CDH13: variants seen among roughly 807,000 people sequenced by gnomAD.
The protein encoded by CDH13 is cadherin-13.
Under a neutral mutation model 63.8 loss-of-function variants are expected in CDH13, and 24 were observed. That is an observed-to-expected ratio of 0.38 (90% CI 0.27 to 0.53). CDH13 has a LOEUF of 0.53. Ranked by LOEUF, CDH13 falls within the 20% of genes least tolerant of loss-of-function variation. The pLI is 0.85. For missense variants in CDH13, 1,049 were observed against 903.1 expected (o/e 1.16, Z -2.07); for synonymous variants, 503 against 355.3 (o/e 1.42, Z -4.67).
intron 1 of CDH13, among the ~76,000 whole-genome samples, chr16:82,703,168 A>C (rs186090005): frequency 1.4e-3 from 206 of 152,072 alleles, no homozygotes; most frequent in African/African-American, 4.9e-3. Context: ...ATATGTATTT[A>C]TGCACACATA....
chr16:83,123,520 C>T (rs1467980769), intron 3 of CDH13, among the ~76,000 whole-genome samples: 1 of 152,088 alleles, frequency 6.6e-6, no homozygotes, highest in African/African-American at 2.4e-5. Context: ...CTCAGGTTAT[C>T]CACCCTCCTC....
intron 1 of CDH13, among the ~76,000 whole-genome samples, chr16:82,685,197 G>A (rs796264386): frequency 4.6e-5 from 7 of 152,296 alleles, no homozygotes; most frequent in African/African-American, 1.7e-4. Flanking sequence ...CCATAGACTA[G>A]GTGGCTTAAA....
At chr16:83,050,940 T>C (rs778552268) in intron 3 of CDH13, among the ~76,000 whole-genome samples, 3 of 152,306 alleles carry the variant, frequency 2.0e-5, no homozygotes, top group South Asian at 4.1e-4. Context: ...GTACTTCTTA[T>C]CCTTTCTCTC....
At chr16:82,737,452 A>T (rs2033729182) in intron 1 of CDH13, among the ~76,000 whole-genome samples, 1 of 152,206 alleles carries the variant, frequency 6.6e-6, no homozygotes, top group African/African-American at 2.4e-5. Context: ...TGAACAAAAG[A>T]AATATAATCC....
chr16:83,712,096 T>C (rs1023357230), intron 10 of CDH13, among the ~76,000 whole-genome samples: 14 of 152,306 alleles, frequency 9.2e-5, no homozygotes, highest in African/African-American at 3.1e-4. Flanking sequence ...CATATCTGAC[T>C]AGGGCCCACT....
chr16:83,021,773 G>A (rs1426836795), intron 2 of CDH13, among the ~76,000 whole-genome samples: 2 of 152,186 alleles, frequency 1.3e-5, no homozygotes, highest in African/African-American at 2.4e-5. Context: ...ACCAGTCATG[G>A]CTAGAATACT....
chr16:83,343,945 T>C (rs1027069670), intron 5 of CDH13, among the ~76,000 whole-genome samples: 1 of 152,216 alleles, frequency 6.6e-6, no homozygotes, highest in Non-Finnish European at 1.5e-5. Context: ...TTCCTAATAA[T>C]GAGTGTTTTT....
rs560466836 is a variant in CDH13 at position 82,952,177 on chromosome 16, T to A, written c.158-79833T>A. ...CAGGATTCACTTTGAAGAACTGGTC[T>A]CTTGTTAACAGGAGAACGTGGGTGC... On this transcript the variant is annotated intron_variant, in intron 2 of 13. Transcript: ENST00000567109. Among the ~76,000 whole-genome samples, 574 of 152,342 alleles carry A rather than the reference T, an allele frequency of 3.8e-3. 3 individuals are homozygous for A. The highest frequency in any genetic ancestry group is 6.6e-3 in the South Asian group (32 of 4,822).
chr16:83,746,866 A>T (rs750125679), intron 10 of CDH13, among the ~76,000 whole-genome samples: 2 of 152,198 alleles, frequency 1.3e-5, no homozygotes, highest in Non-Finnish European at 2.9e-5. Context: ...TACTCTATGC[A>T]TCTATATTGT....
intron 10 of CDH13, chr16:83,725,683 G>C (rs1910305740): frequency 6.6e-6 from 1 of 152,224 alleles, no homozygotes; most frequent in South Asian, 2.1e-4. Context: ...GGCAAGTTTG[G>C]GAACAGCTTT....
chr16:83,599,810 A>C (rs1017740886), intron 7 of CDH13, among the ~76,000 whole-genome samples: 1 of 152,188 alleles, frequency 6.6e-6, no homozygotes, highest in African/African-American at 2.4e-5. Flanking sequence ...TGTGCTTTCA[A>C]AAATAAGTAA....
intron 2 of CDH13, among the ~76,000 whole-genome samples, chr16:82,964,061 ACT>A (rs1038301564): frequency 1.2e-4 from 18 of 152,164 alleles, no homozygotes; most frequent in Admixed American, 1.2e-3. Context: ...CAATGCCGTG[ACT>A]CTGGATTTGT....
chr16:82,778,855 A>C (rs911204836), intron 1 of CDH13, among the ~76,000 whole-genome samples: 1 of 152,200 alleles, frequency 6.6e-6, no homozygotes, highest in East Asian at 1.9e-4. Flanking sequence ...TAAAATGCTT[A>C]GATTAGCTGA....
chr16:83,784,805 T>C (rs1567594585), intron 13 of CDH13, among the ~76,000 whole-genome samples: 2 of 152,108 alleles, frequency 1.3e-5, no homozygotes, highest in South Asian at 4.1e-4. Context: ...CCATGTCTCC[T>C]TCCTGGTCTT....
At chr16:82,994,782 G>A (rs753593721) in intron 2 of CDH13, among the ~76,000 whole-genome samples, 1 of 152,134 alleles carries the variant, frequency 6.6e-6, no homozygotes. Context: ...GGGGAACTTT[G>A]TCAGTTTAGT....
At chr16:82,633,843 C>T (rs1908325382) in intron 1 of CDH13, among the ~76,000 whole-genome samples, 1 of 152,212 alleles carries the variant, frequency 6.6e-6, no homozygotes, top group Non-Finnish European at 1.5e-5. Flanking sequence ...AATCTGTCTG[C>T]CTCATCCCAT....
intron 13 of CDH13, among the ~76,000 whole-genome samples, chr16:83,784,898 G>T (rs1178256489): frequency 6.6e-6 from 1 of 152,028 alleles, no homozygotes; most frequent in African/African-American, 2.4e-5. Context: ...AGGTACTAAT[G>T]TCACTTAACC....
At chr16:83,684,916 A>G (rs998365094) in intron 10 of CDH13, among the ~76,000 whole-genome samples, 4 of 152,246 alleles carry the variant, frequency 2.6e-5, no homozygotes, top group African/African-American at 9.6e-5. Flanking sequence ...GGTCTAGAGC[A>G]GGCATGACAG....
chr16:83,161,064 T>C (rs2037424153), intron 4 of CDH13, among the ~76,000 whole-genome samples: 1 of 152,216 alleles, frequency 6.6e-6, no homozygotes, highest in African/African-American at 2.4e-5. Flanking sequence ...GCATGCCTGG[T>C]GTTCTTATAC....
Sources: allele counts gnomAD v4.1 joint callset (sites outside exome capture counted in the v4.1 genomes callset), GRCh38; gene constraint gnomAD v4.1.1; transcripts MANE v1.5; gene names NCBI Gene and HGNC (gene_info 2026-07-23, HGNC 2026-07-21).